The following CDH12 variants were observed in gnomAD, a reference collection of about 807,000 sequenced individuals.
CDH12 encodes the protein cadherin 12, also known as cadherin-12.
In CDH12, 41 loss-of-function variants were observed where a neutral mutation model predicts 74.1. The ratio of observed to expected loss-of-function variants is 0.55; its 90% CI spans 0.43 to 0.72. The LOEUF is 0.72. Ranked by LOEUF, CDH12 falls within the 30% of genes least tolerant of loss-of-function variation. CDH12 has a pLI of 0.00. For synonymous variants in CDH12, 399 were observed against 355.0 expected (o/e 1.12, Z -1.39); for missense variants, 945 against 977.2 (o/e 0.97, Z 0.44).
chr5:21,937,772 C>G (rs886712879), intron 6 of CDH12, among the ~76,000 whole-genome samples: 1 of 152,162 alleles, frequency 6.6e-6, no homozygotes, highest in African/African-American at 2.4e-5. Flanking sequence ...TCAGTAAGGG[C>G]TGCAGGGCCA....
At chr5:21,902,385 C>G (rs1333725409) in intron 6 of CDH12, among the ~76,000 whole-genome samples, 3 of 151,866 alleles carry the variant, frequency 2.0e-5, no homozygotes, top group Non-Finnish European at 4.4e-5. Context: ...CTTTGCTACT[C>G]TAAGTATGTT....
At chr5:22,077,349 C>T (rs1390298849) in intron 5 of CDH12, among the ~76,000 whole-genome samples, 3 of 152,070 alleles carry the variant, frequency 2.0e-5, no homozygotes, top group Non-Finnish European at 4.4e-5. Flanking sequence ...TAATTCAGAT[C>T]TTAAATGAAT....
chr5:21,878,574 C>CAAAAAAAAAA (rs55681202), intron 6 of CDH12, among the ~76,000 whole-genome samples: 17 of 119,668 alleles, frequency 1.4e-4, no homozygotes, highest in Non-Finnish European at 2.1e-4. Context: ...ACCAAAAATA[C>CAAAAAAAAAA]AAAAAAAAAA....
At chr5:22,594,145 T>A (rs1736480795) in intron 1 of CDH12, among the ~76,000 whole-genome samples, 1 of 152,164 alleles carries the variant, frequency 6.6e-6, no homozygotes, top group African/African-American at 2.4e-5. Context: ...CCTGTTATAT[T>A]CTAATGCACA....
At chr5:22,823,328 A>G (rs1008287892) in intron 1 of CDH12, among the ~76,000 whole-genome samples, 11 of 152,074 alleles carry the variant, frequency 7.2e-5, no homozygotes, top group Non-Finnish European at 1.3e-4. Flanking sequence ...GCACATGTAT[A>G]CATATGTAAC....
At chr5:22,303,085 C>G (rs1049045571) in intron 3 of CDH12, among the ~76,000 whole-genome samples, 1 of 152,028 alleles carries the variant, frequency 6.6e-6, no homozygotes, top group East Asian at 1.9e-4. Context: ...TTTTAAGAAA[C>G]AGCATTTTAA....
chr5:22,091,635 A>C (rs1244778861), intron 4 of CDH12, among the ~76,000 whole-genome samples: 1 of 152,044 alleles, frequency 6.6e-6, no homozygotes, highest in Non-Finnish European at 1.5e-5. Flanking sequence ...CAATAACCCC[A>C]AATTGATCCT....
In CDH12 at chr5:21,833,279, G is replaced by A. The variant is rs182723840; in HGVS notation, c.814+8882C>T. Among the ~76,000 whole-genome samples, 174 of 35,786 alleles carry A rather than the reference G, an allele frequency of 4.9e-3. 22 individuals are homozygous for A. Among genetic ancestry groups the A allele is most frequent in the African/African-American group, 0.03 (131 of 4,326 alleles). The allele number at this position is 35,786 out of a possible 152,430, so 23.5% of individuals were successfully genotyped here. On this transcript the variant is annotated intron_variant, in intron 8 of 14. Coordinates refer to ENST00000382254, the MANE Select transcript of CDH12 (RefSeq NM_004061.5). ...ATATAACATATAATATATATTATAT[G>A]TTATATAACATATAATATATATTAT...
At position 22,386,318 on chromosome 5, in the gene CDH12, T is replaced by G. The variant is rs1035310889; in HGVS notation, c.-333+18939A>C. Among the ~76,000 whole-genome samples, 3 of 152,172 alleles carry G rather than the reference T, an allele frequency of 2.0e-5. No individual in the cohort carries two copies. The East Asian group carries it at 5.8e-4, about 29-fold the overall frequency. On this transcript the variant is annotated intron_variant, in intron 3 of 14. Coordinates refer to ENST00000382254, the MANE Select transcript of CDH12 (RefSeq NM_004061.5). ...CTCCTCTAACAGTGGGGATTACAAT[T>G]CGACATGAGATTTGGTCAGAGACAC... is the stretch of plus-strand genomic sequence containing the variant.
At chr5:22,583,534 G>A (rs1561507694) in intron 1 of CDH12, among the ~76,000 whole-genome samples, 1 of 152,090 alleles carries the variant, frequency 6.6e-6, no homozygotes, top group Non-Finnish European at 1.5e-5. Context: ...ATCCTTTAAT[G>A]GAAGGAAACC....
intron 1 of CDH12, among the ~76,000 whole-genome samples, chr5:22,637,557 C>T (rs1738905393): frequency 6.6e-6 from 1 of 152,206 alleles, no homozygotes; most frequent in South Asian, 2.1e-4. Flanking sequence ...GAATAAAATA[C>T]AGTAAATTGC....
intron 1 of CDH12, among the ~76,000 whole-genome samples, chr5:22,797,271 A>G (rs1441781005): frequency 6.6e-6 from 1 of 151,892 alleles, no homozygotes; most frequent in Non-Finnish European, 1.5e-5. Flanking sequence ...ACCATCTATG[A>G]ACCAGGGAAC....
At chr5:21,985,264 G>A (rs1757466234) in intron 5 of CDH12, among the ~76,000 whole-genome samples, 1 of 152,042 alleles carries the variant, frequency 6.6e-6, no homozygotes, top group South Asian at 2.1e-4. Context: ...AATCTTTATT[G>A]TTCTATCTGT....
At chr5:22,571,624 G>A (rs1473552639) in intron 1 of CDH12, among the ~76,000 whole-genome samples, 1 of 152,272 alleles carries the variant, frequency 6.6e-6, no homozygotes, top group East Asian at 1.9e-4. Context: ...AACGTGCCCG[G>A]CAATCATTTC....
At chr5:22,621,718 C>T (rs1368501065) in intron 1 of CDH12, among the ~76,000 whole-genome samples, 12 of 151,956 alleles carry the variant, frequency 7.9e-5, no homozygotes, top group Admixed American at 7.9e-4. Context: ...AATAAACAAA[C>T]TTATAACACT....
intron 1 of CDH12, among the ~76,000 whole-genome samples, chr5:22,796,658 T>C (rs1581009089): frequency 7.6e-6 from 1 of 131,174 alleles, no homozygotes; most frequent in Middle Eastern, 3.7e-3. Flanking sequence ...TAGCTGGGAC[T>C]ACAGGCGCCC....
intron 5 of CDH12, among the ~76,000 whole-genome samples, chr5:22,046,462 T>A (rs1739963137): frequency 7.4e-6 from 1 of 134,256 alleles, no homozygotes; most frequent in South Asian, 2.3e-4. Flanking sequence ...TGAGACGGAG[T>A]CTCGCTGTCG....
At chr5:22,346,911 A>T (rs976376990) in intron 3 of CDH12, among the ~76,000 whole-genome samples, 1 of 152,218 alleles carries the variant, frequency 6.6e-6, no homozygotes, top group Non-Finnish European at 1.5e-5. Context: ...AAAAAAACCT[A>T]GAAGTGTTGA....
chr5:21,936,926 A>G (rs1428539716), intron 6 of CDH12, among the ~76,000 whole-genome samples: 1 of 152,212 alleles, frequency 6.6e-6, no homozygotes, highest in African/African-American at 2.4e-5. Flanking sequence ...AAGTTTACTT[A>G]TAAGTTCAGC....
Sources: allele counts gnomAD v4.1 joint callset (sites outside exome capture counted in the v4.1 genomes callset), GRCh38; gene constraint gnomAD v4.1.1; transcripts MANE v1.5; gene names NCBI Gene and HGNC (gene_info 2026-07-23, HGNC 2026-07-21).